FAM20B: variants seen among roughly 807,000 people sequenced by gnomAD.
The protein encoded by FAM20B is glycosaminoglycan xylosylkinase.
A neutral mutation model predicts 43.8 loss-of-function variants in FAM20B; 23 were observed. The observed-to-expected ratio is 0.53, with a 90% CI of 0.38 to 0.74. The LOEUF (loss-of-function observed/expected upper bound fraction) is 0.74, where lower values mean the gene tolerates loss of function less well. Ranked by LOEUF, FAM20B falls within the 30% of genes least tolerant of loss-of-function variation. FAM20B has a pLI of 0.00. For missense variants in FAM20B, 440 were observed against 510.5 expected, an observed-to-expected ratio of 0.86 and a Z score of 1.33; for synonymous variants, 178 against 192.4, an observed-to-expected ratio of 0.93 and a Z score of 0.62.
At chr1:179,030,600 T>C (rs1471710279) in intron 1 of FAM20B, among the ~76,000 whole-genome samples, 1 of 152,246 alleles carries the variant, frequency 6.6e-6, no homozygotes, top group Admixed American at 6.5e-5. Flanking sequence ...TCGCTATTTC[T>C]GCATCTTTTA....
At chr1:179,024,295 A>G (rs1649668938), upstream of FAM20B, among the ~76,000 whole-genome samples, 1 of 152,232 alleles carries the variant, frequency 6.6e-6, no homozygotes, top group African/African-American at 2.4e-5. Context: ...CTGAGGCTGC[A>G]GGATAAGCTG....
intron 2 of FAM20B, 53 bp from the exon 3 acceptor site, chr1:179,050,226 C>T (rs1650946924): frequency 7.1e-6 from 9 of 1,269,672 alleles, no homozygotes; most frequent in South Asian, 6.0e-5. Flanking sequence ...TGTGCTGTCA[C>T]CTGTTACTGG....
chr1:179,050,525 T>G (rs11804174), intron 3 of FAM20B, among the ~76,000 whole-genome samples, 160 bp downstream of exon 3: 3,284 of 152,334 alleles, frequency 0.022, 64 homozygotes, highest in Middle Eastern at 0.048. Context: ...TGTATGAGTC[T>G]CATAATTTGG....
intron 1 of FAM20B, among the ~76,000 whole-genome samples, chr1:179,029,221 A>G (rs948480829): frequency 2.6e-5 from 4 of 152,190 alleles, no homozygotes; most frequent in African/African-American, 9.7e-5. Context: ...ATCCCTTTTT[A>G]AGAGTACTTC....
chr1:179,070,483 A>G (rs1233194784), intron 7 of FAM20B, among the ~76,000 whole-genome samples: 1 of 150,394 alleles, frequency 6.6e-6, no homozygotes, highest in Non-Finnish European at 1.5e-5. Flanking sequence ...GCAAAAGGGC[A>G]AAGAGAGAGG....
chr1:179,028,604 A>G (rs1327135296), intron 1 of FAM20B, among the ~76,000 whole-genome samples: 1 of 152,166 alleles, frequency 6.6e-6, no homozygotes, highest in Non-Finnish European at 1.5e-5. Context: ...AAACAACAAC[A>G]ACAACAGAAG....
chr1:179,030,525 A>C (rs1649965329), intron 1 of FAM20B, among the ~76,000 whole-genome samples: 1 of 152,206 alleles, frequency 6.6e-6, no homozygotes, highest in East Asian at 1.9e-4. Flanking sequence ...TGGCCTTGAA[A>C]GGTGGAAGCA....
At chr1:179,050,144 A>G (rs1253756384) in intron 2 of FAM20B, 135 bp from the exon 3 acceptor site, 9 of 592,384 alleles carry the variant, frequency 1.5e-5, no homozygotes, top group East Asian at 1.4e-4. Flanking sequence ...GCTAATCCAC[A>G]GTTGTTTGCA....
intron 4 of FAM20B, among the ~76,000 whole-genome samples, chr1:179,056,160 T>G (rs540451377): frequency 6.6e-6 from 1 of 152,326 alleles, no homozygotes; most frequent in Admixed American, 6.5e-5. Flanking sequence ...CTCCATAGTT[T>G]ACATTCCCAT....
intron 1 of FAM20B, among the ~76,000 whole-genome samples, chr1:179,026,606 C>T (rs893259740): frequency 1.3e-5 from 2 of 152,204 alleles, no homozygotes; most frequent in Non-Finnish European, 2.9e-5. Flanking sequence ...GAGTGACCTG[C>T]AGGCCGGAGG....
upstream of FAM20B, among the ~76,000 whole-genome samples, chr1:179,025,509 C>T (rs3813638): frequency 0.77 from 117,127 of 152,064 alleles, 46,053 homozygotes; most frequent in African/African-American, 0.93. Context: ...AAACAGAACT[C>T]GACCTAGGGG....
chr1:179,059,183 C>T (rs1651354656), intron 4 of FAM20B, among the ~76,000 whole-genome samples: 1 of 152,138 alleles, frequency 6.6e-6, no homozygotes, highest in African/African-American at 2.4e-5. Flanking sequence ...ATCAGAAAAC[C>T]AGTTTTTAAA....
At chr1:179,069,973 A>G (rs548728505) in intron 7 of FAM20B, among the ~76,000 whole-genome samples, 2 of 152,350 alleles carry the variant, frequency 1.3e-5, no homozygotes, top group East Asian at 3.9e-4. Flanking sequence ...AATAAAAGAT[A>G]TGCTATAGTT....
intron 7 of FAM20B, among the ~76,000 whole-genome samples, chr1:179,068,887 C>T (rs1326690297): frequency 6.6e-6 from 1 of 152,190 alleles, no homozygotes; most frequent in Non-Finnish European, 1.5e-5. Flanking sequence ...CACCAGATAG[C>T]AGAGAAGTTT....
chr1:179,043,201 C>A (rs1354349177), intron 1 of FAM20B, among the ~76,000 whole-genome samples: 1 of 152,238 alleles, frequency 6.6e-6, no homozygotes, highest in Non-Finnish European at 1.5e-5. Flanking sequence ...CCGGAGTGGG[C>A]TGAGACAGCA....
upstream of FAM20B, among the ~76,000 whole-genome samples, chr1:179,023,610 G>C (rs1649641357): frequency 6.6e-6 from 1 of 152,224 alleles, no homozygotes; most frequent in Non-Finnish European, 1.5e-5. Flanking sequence ...GTATGCATCA[G>C]TGAATGAATG....
At chr1:179,040,944 G>A (rs1377928318) in intron 1 of FAM20B, among the ~76,000 whole-genome samples, 2 of 149,634 alleles carry the variant, frequency 1.3e-5, no homozygotes, top group East Asian at 2.0e-4. Flanking sequence ...ACGGGGTCAC[G>A]GCCGGGCAGA....
chr1:179,069,501 G>A (rs936619402), intron 7 of FAM20B, among the ~76,000 whole-genome samples: 3 of 152,154 alleles, frequency 2.0e-5, no homozygotes, highest in Non-Finnish European at 2.9e-5. Context: ...CTTCTGAGTA[G>A]CTGGGATTAC....
chr1:179,027,314 A>G (rs1025905702), intron 1 of FAM20B, among the ~76,000 whole-genome samples: 1 of 152,184 alleles, frequency 6.6e-6, no homozygotes, highest in Admixed American at 6.5e-5. Flanking sequence ...CAGTGTTCTT[A>G]TGTATTACAA....
Sources: gnomAD v4.1 joint callset for allele counts (sites outside exome capture counted in the v4.1 genomes callset) on GRCh38, gnomAD v4.1.1 for gene constraint, MANE v1.5 for transcripts, NCBI Gene and HGNC (gene_info 2026-07-23, HGNC 2026-07-21) for gene names.